ACAP3: variants seen among roughly 807,000 people sequenced by gnomAD.
ACAP3 encodes arf-GAP with coiled-coil, ANK repeat and PH domain-containing protein 3.
A neutral mutation model predicts 104.1 loss-of-function variants in ACAP3; 56 were observed. The observed-to-expected ratio is 0.54, with a 90% CI of 0.43 to 0.67. The LOEUF is 0.67. Among genes scored for constraint, ACAP3 ranks in the 30% least tolerant of loss-of-function variants. The pLI is 0.00. For missense variants in ACAP3, 1,208 were observed against 1,174.9 expected, an observed-to-expected ratio of 1.03 and a Z score of -0.41; for synonymous variants, 628 against 496.2, an observed-to-expected ratio of 1.27 and a Z score of -3.53.
intron 17 of ACAP3, 21 bp downstream of exon 17, chr1:1,295,994 C>A: frequency 6.2e-7 from 1 of 1,612,770 alleles, no homozygotes; most frequent in Non-Finnish European, 8.5e-7. Context: ...CCTGACTGAT[C>A]CAGACTGTAC....
At chr1:1,304,263 G>T in intron 1 of ACAP3, 120 bp from the exon 2 acceptor site, 1 of 1,256,080 alleles carries the variant, frequency 8.0e-7, no homozygotes, top group Non-Finnish European at 1.1e-6. Context: ...GAAACAGGCT[G>T]GGAGACAGAC....
chr1:1,296,041 G>T lies in ACAP3; in HGVS notation c.1476C>A (p.Ser492Arg). Residue 492 changes from serine (S) to arginine (R), a missense_variant, in exon 17 of 24, where the codon AGC (serine) becomes AGA (arginine). Ser to Arg is a moderately radical substitution (Grantham distance 110, BLOSUM62 -1). Coordinates refer to ENST00000354700, the MANE Select transcript of ACAP3 (RefSeq NM_030649.3). ...GGGAGCTGCTGGCTGTGGGTTTCCT[G>T]CTGCCTGCACCCTCACACTGGGCCT... ...IYEAQCEGAG[S>R]RKPTASSSRQ... 2 of 1,612,766 alleles carry T rather than the reference G, an allele frequency of 1.2e-6. No homozygotes were observed. The highest frequency in any genetic ancestry group is 1.7e-6 in the Non-Finnish European group (2 of 1,179,968).
Position 1,295,528 on chromosome 1 carries a change from G to C in ACAP3, c.1732C>G (p.Arg578Gly), listed in dbSNP as rs780429545. The change falls in exon 19 of 24, where the codon CGA becomes GGA. Residue 578 changes from arginine to glycine, a missense_variant. By Grantham distance (125) the Arg-to-Gly change is moderately radical. Transcript: ENST00000354700. ...SVGTLDRKFR[R>G]DSLFCPDELD... ...TCGTCGGGACAGAAGAGGGAGTCTC[G>C]GCGGAACTTACGATCCAGGGTGCCC... 12 of 1,612,500 alleles carry C rather than the reference G, an allele frequency of 7.4e-6. No homozygotes were observed. The highest frequency in any genetic ancestry group is 1.0e-5 in the Non-Finnish European group (12 of 1,179,888).
chr1:1,299,309 C>G, intron 10 of ACAP3, 36 bp downstream of exon 10: 3 of 1,591,722 alleles, frequency 1.9e-6, no homozygotes, highest in South Asian at 1.1e-5. Flanking sequence ...TGGTCTCCCC[C>G]GACCCACAGC....
At position 1,303,490 on chromosome 1, in the gene ACAP3, C is replaced by A. The variant is rs1030968394; in HGVS notation, c.106-209G>T. 2.2e-5 allele frequency: 15 copies of A among 677,098 alleles called. No individual in the cohort carries two copies. Among genetic ancestry groups the A allele is most frequent in the Non-Finnish European group, 2.4e-6 (1 of 414,176 alleles). 41.9% of individuals were successfully genotyped at this position (677,098 alleles called of 1,614,324 possible). A position where few individuals can be genotyped will look rare whatever the true frequency, so the allele number is the denominator to read the frequency against. ...CTGGGAGGGGAGGGTGGGGCCGCCACGGCTCGGCTGGGAGGGACCAGGAGC... is the reference window on the plus strand; with the variant it reads ...CTGGGAGGGGAGGGTGGGGCCGCCAAGGCTCGGCTGGGAGGGACCAGGAGC... On this transcript the variant is annotated intron_variant, in intron 2 of 23. Transcript: ENST00000354700. The surrounding 1 kb of genome is among the most constrained non-coding windows in gnomAD (Gnocchi z 4.0).
intron 1 of ACAP3, chr1:1,307,357 C>G (rs1641778794): frequency 5.4e-6 from 7 of 1,289,960 alleles, no homozygotes; most frequent in Non-Finnish European, 7.1e-6. Context: ...AAACGCGGCT[C>G]CAGCTGCCTG....
At chr1:1,302,232 G>A (rs948606599) in intron 4 of ACAP3, among the ~76,000 whole-genome samples, 186 bp from the exon 5 acceptor site, 3 of 152,146 alleles carry the variant, frequency 2.0e-5, no homozygotes, top group African/African-American at 7.2e-5. Flanking sequence ...ACTCAGAGGC[G>A]ATGGCTGTCA....
chr1:1,306,098 C>T (rs915880721), intron 1 of ACAP3, among the ~76,000 whole-genome samples: 1 of 152,228 alleles, frequency 6.6e-6, no homozygotes, highest in African/African-American at 2.4e-5. Context: ...ATTCTCATCT[C>T]CCCACTCCAG....
chr1:1,307,679 C>T (rs1235771408), intron 1 of ACAP3, 90 bp downstream of exon 1: 10 of 1,034,714 alleles, frequency 9.7e-6, no homozygotes, highest in Non-Finnish European at 1.2e-5. Context: ...CGGCCCGGCC[C>T]GGCGCTGACC....
At position 1,295,870 on chromosome 1, in the gene ACAP3, G is replaced by A. The variant is rs545602724; in HGVS notation, c.1571C>T (p.Ala524Val). The A allele has an allele frequency of 4.3e-6, 7 of 1,611,866 alleles. No homozygotes were observed. In the Admixed American group the frequency reaches 5.0e-5, roughly 12 times the overall value. ...GCGTCTTGGGGCCTCCAGGGCTGGT[G>A]CCATGGGCGCCTTCCGCAGAAACTT... ...EKKFLRKAPM[A>V]PALEAPRRWR... The change falls in exon 18 of 24, where the codon GCA becomes GTA. Residue 524 changes from alanine (A) to valine (V), a missense_variant. By Grantham distance (64) the Ala-to-Val change is moderately conservative. Transcript: ENST00000354700.
In ACAP3 at chr1:1,293,175, C is replaced by T. The variant is rs1295795347; in HGVS notation, c.*389G>A. ...GGGTGTGCAGGAGGGAGCCAGCTAA[C>T]AGGTCAGTGTTCTGGGCAGAAGTGG... On this transcript the variant is annotated 3_prime_UTR_variant, in exon 24 of 24. Coordinates refer to ENST00000354700, the MANE Select transcript of ACAP3 (RefSeq NM_030649.3). 1.9e-5 allele frequency: 3 copies of T among 158,182 alleles called. No homozygotes were observed. Among genetic ancestry groups the T allele is most frequent in the African/African-American group, 4.8e-5 (2 of 41,598 alleles). The allele number at this position is 158,182 out of a possible 1,614,324, so 9.8% of individuals were successfully genotyped here.
chr1:1,294,232 G>C, intron 21 of ACAP3, 33 bp from the exon 22 acceptor site: 1 of 1,549,846 alleles, frequency 6.5e-7, no homozygotes, highest in Non-Finnish European at 8.7e-7. Context: ...ACGGAGCCAC[G>C]GCACCGGCCC....
At chr1:1,306,936 A>G (rs890506887) in intron 1 of ACAP3, 9 of 382,008 alleles carry the variant, frequency 2.4e-5, no homozygotes, top group Non-Finnish European at 3.7e-5. Context: ...AAGCAAGCAC[A>G]GCCCCGTGGC....
At chr1:1,298,179 C>G in intron 12 of ACAP3, 66 bp from the exon 13 acceptor site, 1 of 1,563,986 alleles carries the variant, frequency 6.4e-7, no homozygotes, top group Non-Finnish European at 8.7e-7. Flanking sequence ...CCACTTCCTG[C>G]TTCACCTTGG....
chr1:1,295,764 A>G lies in ACAP3; in HGVS notation c.1677T>C (p.Val559=). Residue 559 remains valine (V), a synonymous_variant, in exon 18 of 24, where the codon GTT becomes GTC. Coordinates refer to ENST00000354700, the MANE Select transcript of ACAP3 (RefSeq NM_030649.3). ...TARRKVRLEP[V]LPCVAALSSV... The stretch of plus-strand genomic sequence containing the variant: ...AGGACAGAGCGGCCACACAGGGCAG[A>G]ACGGGCTCAAGCCGGACCTTGCGGC... The G allele has an allele frequency of 6.2e-7, 1 of 1,607,238 alleles. No homozygotes were observed. Among genetic ancestry groups the G allele is most frequent in the Non-Finnish European group, 8.5e-7 (1 of 1,179,318 alleles).
At chr1:1,299,230 A>G (rs1641337927) in intron 10 of ACAP3, 115 bp downstream of exon 10, 2 of 1,349,306 alleles carry the variant, frequency 1.5e-6, no homozygotes, top group Non-Finnish European at 2.1e-6. Context: ...GCAGGAGCCG[A>G]GACTGGTGGG....
rs1165211984 is a variant in ACAP3 at position 1,296,236 on chromosome 1, T to G, written c.1382A>C (p.Asp461Ala). The G allele has an allele frequency of 1.3e-6, 2 of 1,565,650 alleles. No homozygotes were observed. Among genetic ancestry groups the G allele is most frequent in the South Asian group, 2.3e-5 (2 of 86,056 alleles). The change falls in exon 16 of 24, where the codon GAC (aspartate) becomes GCC (alanine). Residue 461 changes from aspartate (D) to alanine (A), a missense_variant. Physicochemically the swap from Asp to Ala is moderately radical, Grantham distance 126 (BLOSUM62 -2). Transcript: ENST00000354700. ...HCSKVRSLTL[D>A]SWEPELLKLM... ...CTTTAGCAGCTCAGGCTCCCACGAG[T>G]CCAGCGTCAGGGACCGCACCTTGGA...
intron 10 of ACAP3, 155 bp downstream of exon 10, chr1:1,299,190 C>G: frequency 2.9e-6 from 3 of 1,020,676 alleles, no homozygotes; most frequent in Non-Finnish European, 4.4e-6. Context: ...GAGGTCTGGC[C>G]GGAGCCAGCC....
At chr1:1,300,486 C>T (rs1310859065) in intron 6 of ACAP3, 23 bp downstream of exon 6, 1 of 1,594,144 alleles carries the variant, frequency 6.3e-7, no homozygotes. Context: ...GTCCCCGCCC[C>T]CCAGCCCATT....
Sources: allele counts gnomAD v4.1 joint callset (sites outside exome capture counted in the v4.1 genomes callset), GRCh38; gene constraint gnomAD v4.1.1; non-coding constraint Gnocchi (gnomAD v3.1); transcripts MANE v1.5; gene names NCBI Gene and HGNC (gene_info 2026-07-23, HGNC 2026-07-21).